Variants in USP42 observed in about 807,000 individuals in gnomAD.
USP42 encodes the protein ubiquitin carboxyl-terminal hydrolase 42.
Under a neutral mutation model 113.0 loss-of-function variants are expected in USP42, and 23 were observed. The observed-to-expected ratio is 0.20, with a 90% CI of 0.15 to 0.29. The LOEUF (loss-of-function observed/expected upper bound fraction) is 0.29, where lower values mean the gene tolerates loss of function less well. Among genes scored for constraint, USP42 ranks in the 10% least tolerant of loss-of-function variants. USP42 has a pLI of 1.00. For synonymous variants in USP42, 933 were observed against 699.0 expected, an observed-to-expected ratio of 1.33 and a Z score of -5.28; for missense variants, 2,174 against 1,779.8, an observed-to-expected ratio of 1.22 and a Z score of -3.99.
intron 3 of USP42, 104 bp downstream of exon 3, chr7:6,115,627 C>G (rs977752296): frequency 3.7e-6 from 5 of 1,369,482 alleles, no homozygotes; most frequent in Non-Finnish European, 5.0e-6. Context: ...GCTATGATTA[C>G]TAAGAAGTTG....
At chr7:6,109,228 G>A (rs1259802596) in intron 1 of USP42, among the ~76,000 whole-genome samples, 2 of 152,156 alleles carry the variant, frequency 1.3e-5, no homozygotes, top group Admixed American at 6.6e-5. Flanking sequence ...GCAGAGCCCA[G>A]AGACAGCAGG....
intron 2 of USP42, among the ~76,000 whole-genome samples, chr7:6,114,678 A>ATATATATGTAT (rs1241045063): frequency 5.3e-5 from 1 of 18,874 alleles, no homozygotes; most frequent in Non-Finnish European, 7.5e-5. Context: ...ATATATATAT[A>ATATATATGTAT]TTTTTTTTTT....
the USP42 span, among the ~76,000 whole-genome samples, chr7:6,094,870 C>T: frequency 6.7e-6 from 1 of 150,212 alleles, no homozygotes; most frequent in Admixed American, 6.6e-5. Flanking sequence ...TCATTGCAAC[C>T]TCCGCCTCCC....
chr7:6,154,489 C>G lies in USP42; in HGVS notation c.2935C>G (p.Arg979Gly). 1 of 1,546,872 alleles carries G rather than the reference C, an allele frequency of 6.5e-7. No homozygotes were observed. Among genetic ancestry groups the G allele is most frequent in the East Asian group, 2.4e-5 (1 of 40,876 alleles). ...SRSKTEGHRH[R>G]RRRTCPRERD... ...GAGCAAGACTGAGGGCCACCGTCAC[C>G]GGCGGCGCCGCACCTGCCCCCGGGA... Residue 979 changes from arginine (R) to glycine (G), a missense_variant, in exon 15 of 18, where the codon CGG becomes GGG. By Grantham distance (125) the Arg-to-Gly change is moderately radical (BLOSUM62 -2). Transcript: ENST00000306177.
At chr7:6,128,270 T>C (rs1226963251) in intron 3 of USP42, 2 of 151,074 alleles carry the variant, frequency 1.3e-5, no homozygotes, top group African/African-American at 4.9e-5. Flanking sequence ...TTTTTTTTTT[T>C]TTTCCTCCTT....
chr7:6,081,713 T>G, the USP42 span: 1 of 152,154 alleles, frequency 6.6e-6, no homozygotes, highest in African/African-American at 2.4e-5. Context: ...GAGAGGGTGA[T>G]CGCGCTGCTG....
chr7:6,140,877 T>C (rs1781393055), intron 6 of USP42, 37 bp from the exon 7 acceptor site: 2 of 1,182,020 alleles, frequency 1.7e-6, no homozygotes, highest in African/African-American at 3.1e-5. Flanking sequence ...GTAATGATTA[T>C]ACTTTGCTCA....
intron 5 of USP42, 37 bp from the exon 6 acceptor site, chr7:6,140,091 A>G (rs1781358221): frequency 1.3e-6 from 2 of 1,598,094 alleles, no homozygotes; most frequent in East Asian, 2.2e-5. Context: ...AGTTTTTGCA[A>G]AGCTCTTCTC....
intron 11 of USP42, among the ~76,000 whole-genome samples, chr7:6,147,412 C>G (rs1435228848): frequency 1.3e-5 from 2 of 152,184 alleles, no homozygotes; most frequent in Non-Finnish European, 2.9e-5. Flanking sequence ...CCTCTGCAGT[C>G]CAGCCTGGGC....
At chr7:6,135,731 T>C in intron 3 of USP42, 110 bp from the exon 4 acceptor site, 1 of 400,922 alleles carries the variant, frequency 2.5e-6, no homozygotes, top group Non-Finnish European at 4.5e-6. Flanking sequence ...AAGGCATGCA[T>C]ATAGCAGCTA....
At chr7:6,147,076 T>C (rs1781756821) in intron 11 of USP42, among the ~76,000 whole-genome samples, 2 of 152,244 alleles carry the variant, frequency 1.3e-5, no homozygotes, top group South Asian at 4.1e-4. Flanking sequence ...TTCTCAAATG[T>C]CCAACTGGCA....
chr7:6,136,636 A>G (rs1377929117), intron 4 of USP42, among the ~76,000 whole-genome samples: 1 of 152,216 alleles, frequency 6.6e-6, no homozygotes, highest in Non-Finnish European at 1.5e-5. Context: ...ACAGTTTTTA[A>G]TTAGTTTCAG....
At chr7:6,092,657 G>T in the USP42 span, among the ~76,000 whole-genome samples, 10 of 151,132 alleles carry the variant, frequency 6.6e-5, 2 homozygotes, top group African/African-American at 2.5e-4. Flanking sequence ...TGGAAAGTAG[G>T]CACAGCATCT....
At position 6,127,694 on chromosome 7, in the gene USP42, C is replaced by T. The variant is rs182945105; in HGVS notation, c.443-8147C>T. 5.2e-4 allele frequency among the ~76,000 whole-genome samples: 79 copies of T among 152,292 alleles called. 1 individual carries two copies. In the South Asian group the frequency reaches 8.5e-3, roughly 16 times the overall value. Reference sequence around the variant, plus strand: ...GTAGTTATGTAGTAAGTCTTGTCATCGGTTAGAATGATTCCTTCCACTTTA... The same window carrying T: ...GTAGTTATGTAGTAAGTCTTGTCATTGGTTAGAATGATTCCTTCCACTTTA... On this transcript the variant is annotated intron_variant, in intron 3 of 17. Coordinates refer to ENST00000306177, the MANE Select transcript of USP42 (RefSeq NM_032172.3).
chr7:6,133,908 T>TTGA (rs1780987814), intron 3 of USP42, among the ~76,000 whole-genome samples: 1 of 149,982 alleles, frequency 6.7e-6, no homozygotes, highest in East Asian at 1.9e-4. Flanking sequence ...TTTTTTTTTT[T>TTGA]GAGACAGCGT....
At chr7:6,081,980 A>G in the USP42 span, among the ~76,000 whole-genome samples, 1 of 152,170 alleles carries the variant, frequency 6.6e-6, no homozygotes, top group Non-Finnish European at 1.5e-5. Flanking sequence ...GTGAGACAAT[A>G]AAAATATAAG....
chr7:6,134,047 C>T (rs1055907038), intron 3 of USP42, among the ~76,000 whole-genome samples: 6 of 151,958 alleles, frequency 3.9e-5, no homozygotes, highest in African/African-American at 1.4e-4. Flanking sequence ...CCCACCACCA[C>T]GCCCAGCTAA....
the USP42 span, among the ~76,000 whole-genome samples, chr7:6,095,626 G>C: frequency 6.6e-6 from 1 of 151,040 alleles, no homozygotes; most frequent in Non-Finnish European, 1.5e-5. Flanking sequence ...CTGAGATTGC[G>C]CCACTGCACT....
chr7:6,131,530 A>G (rs1023746867), intron 3 of USP42, among the ~76,000 whole-genome samples: 1 of 152,170 alleles, frequency 6.6e-6, no homozygotes, highest in African/African-American at 2.4e-5. Context: ...AAATACACAC[A>G]GAAGCTGAAG....
Sources: allele counts gnomAD v4.1 joint callset (sites outside exome capture counted in the v4.1 genomes callset), GRCh38; gene constraint gnomAD v4.1.1; transcripts MANE v1.5; gene names NCBI Gene and HGNC (gene_info 2026-07-23, HGNC 2026-07-21).